Variants in CHCHD3 observed in about 807,000 individuals in gnomAD.
CHCHD3 encodes the protein MICOS complex subunit MIC19.
In CHCHD3, 20 loss-of-function variants were observed where a neutral mutation model predicts 38.2. The ratio of observed to expected loss-of-function variants is 0.52; its 90% CI spans 0.37 to 0.76. CHCHD3 has a LOEUF of 0.76. Among genes scored for constraint, CHCHD3 ranks in the 30% least tolerant of loss-of-function variants. The pLI is 0.00. For synonymous variants in CHCHD3, 82 were observed against 100.0 expected, an observed-to-expected ratio of 0.82 and a Z score of 1.07; for missense variants, 245 against 279.2, an observed-to-expected ratio of 0.88 and a Z score of 0.87.
chr7:132,816,628 G>A (rs1807206899), intron 6 of CHCHD3, among the ~76,000 whole-genome samples: 2 of 152,086 alleles, frequency 1.3e-5, no homozygotes, highest in African/African-American at 4.8e-5. Flanking sequence ...CCATCTTACT[G>A]CCATTGTGGG....
At chr7:132,891,324 T>G (rs925888338) in intron 4 of CHCHD3, among the ~76,000 whole-genome samples, 4 of 152,312 alleles carry the variant, frequency 2.6e-5, no homozygotes, top group Middle Eastern at 3.4e-3. Context: ...TCCAACCTAT[T>G]ATCATACTTT....
At chr7:133,056,159 AT>A (rs1425439278) in intron 2 of CHCHD3, among the ~76,000 whole-genome samples, 1 of 152,038 alleles carries the variant, frequency 6.6e-6, no homozygotes, top group Non-Finnish European at 1.5e-5. Flanking sequence ...AAAAAAAAAA[AT>A]GTAGGGTTAG....
At chr7:132,961,760 T>C (rs1811327341) in intron 4 of CHCHD3, among the ~76,000 whole-genome samples, 1 of 152,242 alleles carries the variant, frequency 6.6e-6, no homozygotes, top group Admixed American at 6.5e-5. Flanking sequence ...TGAAACTTTG[T>C]ACCCTTTAAC....
rs552133882 is a variant in CHCHD3 at position 132,983,939 on chromosome 7, T to C, written c.252-8653A>G. On this transcript the variant is annotated intron_variant, in intron 3 of 7. Coordinates refer to ENST00000262570, the MANE Select transcript of CHCHD3 (RefSeq NM_017812.4). ...TTGAGAAATACCTTTTAATCTTGTA[T>C]TGAAAATACAACTTCTCGGAAAGGC... Among the ~76,000 whole-genome samples the C allele has an allele frequency of 4.6e-5, 7 of 151,216 alleles. No individual in the cohort carries two copies. In the South Asian group the frequency reaches 1.0e-3, roughly 23 times the overall value.
chr7:132,944,779 T>C lies in CHCHD3; in HGVS notation c.369+30390A>G, dbSNP rs983924548. Among the ~76,000 whole-genome samples the C allele has an allele frequency of 1.1e-4, 17 of 152,148 alleles. No homozygotes were observed. The East Asian group carries it at 2.7e-3, about 24-fold the overall frequency. ...TGGTAGGATTATGGATGTTTTACGT[T>C]TTCAAATCTACTGGTGCAAATTTTT... On this transcript the variant is annotated intron_variant, in intron 4 of 7. Coordinates refer to ENST00000262570, the MANE Select transcript of CHCHD3 (RefSeq NM_017812.4).
intron 2 of CHCHD3, among the ~76,000 whole-genome samples, chr7:133,032,581 A>G (rs1180916030): frequency 6.6e-6 from 1 of 152,222 alleles, no homozygotes; most frequent in Non-Finnish European, 1.5e-5. Flanking sequence ...ATAAGCACCC[A>G]TAGAAACTAG....
intron 6 of CHCHD3, among the ~76,000 whole-genome samples, chr7:132,810,838 A>G (rs1411560785): frequency 6.6e-6 from 1 of 152,148 alleles, no homozygotes; most frequent in Non-Finnish European, 1.5e-5. Flanking sequence ...ACAGCCCCTT[A>G]ATACTACTCT....
chr7:132,822,821 A>C (rs1807417878), intron 6 of CHCHD3, among the ~76,000 whole-genome samples: 1 of 97,354 alleles, frequency 1.0e-5, no homozygotes, highest in Admixed American at 9.9e-5. Context: ...CCCCCCACCA[A>C]AAACAAAACA....
intron 6 of CHCHD3, among the ~76,000 whole-genome samples, chr7:132,833,429 G>A (rs1010158457): frequency 3.9e-5 from 6 of 152,170 alleles, no homozygotes; most frequent in Non-Finnish European, 1.5e-5. Context: ...TGAAATCATG[G>A]TAAGTAATAT....
chr7:133,035,965 T>A lies in CHCHD3; in HGVS notation c.170-11338A>T. 1 of 1,354,094 alleles carries A rather than the reference T, an allele frequency of 7.4e-7. No individual in the cohort carries two copies. The highest frequency in any genetic ancestry group is 1.2e-5 in the South Asian group (1 of 81,680). 83.9% of individuals were successfully genotyped at this position (1,354,094 alleles called of 1,614,324 possible). A position where few individuals can be genotyped will look rare whatever the true frequency, so the allele number is the denominator to read the frequency against. ...GCTGGATCCAGTCTTAAAAGTGTTA[T>A]CAGGTAGGGGTCCTTAGGGGAACTG... On this transcript the variant is annotated intron_variant, in intron 2 of 7. Coordinates refer to ENST00000262570, the MANE Select transcript of CHCHD3 (RefSeq NM_017812.4). The surrounding 1 kb of genome is among the most constrained non-coding windows in gnomAD (Gnocchi z 4.7).
chr7:133,005,260 GGT>G (rs1812670206), intron 3 of CHCHD3, among the ~76,000 whole-genome samples: 1 of 152,068 alleles, frequency 6.6e-6, no homozygotes, highest in Middle Eastern at 3.2e-3. Context: ...AAACCACTTA[GGT>G]GTATTCATTA....
intron 4 of CHCHD3, among the ~76,000 whole-genome samples, chr7:132,961,603 A>C (rs887333450): frequency 5.3e-5 from 8 of 152,272 alleles, no homozygotes; most frequent in African/African-American, 1.9e-4. Context: ...GTGCTCGCAC[A>C]CAATGCATGC....
chr7:133,006,884 C>A lies in CHCHD3; in HGVS notation c.251+17662G>T, dbSNP rs116693251. ...AAGTTATTTATATATGTACTGACAA[C>A]ATATTTTTATGATATATTATGAGCA... On this transcript the variant is annotated intron_variant, in intron 3 of 7. Coordinates refer to ENST00000262570, the MANE Select transcript of CHCHD3 (RefSeq NM_017812.4). Among the ~76,000 whole-genome samples, 624 of 152,184 alleles carry A rather than the reference C, an allele frequency of 4.1e-3. 3 individuals carry two copies. Among genetic ancestry groups the A allele is most frequent in the African/African-American group, 0.015 (606 of 41,530 alleles).
At chr7:132,885,990 C>T (rs555233844) in intron 4 of CHCHD3, among the ~76,000 whole-genome samples, 13 of 152,138 alleles carry the variant, frequency 8.5e-5, no homozygotes, top group African/African-American at 3.1e-4. Flanking sequence ...TATTAGGAAA[C>T]GTCAGAATAC....
intron 6 of CHCHD3, among the ~76,000 whole-genome samples, chr7:132,823,350 C>T (rs1206700111): frequency 1.3e-5 from 2 of 152,030 alleles, no homozygotes; most frequent in Non-Finnish European, 2.9e-5. Flanking sequence ...CCTACACATA[C>T]CTCTATGATA....
intron 4 of CHCHD3, among the ~76,000 whole-genome samples, chr7:132,920,137 T>C (rs1454514027): frequency 1.3e-5 from 2 of 152,110 alleles, no homozygotes; most frequent in East Asian, 1.9e-4. Context: ...AGAACAAGAA[T>C]TGTCACTCTA....
chr7:132,806,376 G>A (rs538308535), intron 6 of CHCHD3, among the ~76,000 whole-genome samples: 2 of 152,290 alleles, frequency 1.3e-5, no homozygotes, highest in South Asian at 2.1e-4. Flanking sequence ...GAGTGCCTGT[G>A]AGATACTAGG....
intron 4 of CHCHD3, among the ~76,000 whole-genome samples, chr7:132,930,971 T>A (rs1335081634): frequency 6.6e-6 from 1 of 152,214 alleles, no homozygotes; most frequent in African/African-American, 2.4e-5. Context: ...TCTATCTATA[T>A]GCAGGTATCA....
chr7:133,015,396 G>C (rs956297931), intron 3 of CHCHD3, among the ~76,000 whole-genome samples: 3 of 133,512 alleles, frequency 2.2e-5, no homozygotes, highest in Non-Finnish European at 5.1e-5. Context: ...GTCAGGTATA[G>C]CCTACACAAC....
Sources: gnomAD v4.1 joint callset for allele counts (sites outside exome capture counted in the v4.1 genomes callset) on GRCh38, gnomAD v4.1.1 for gene constraint, Gnocchi (gnomAD v3.1) non-coding constraint, MANE v1.5 for transcripts, NCBI Gene and HGNC (gene_info 2026-07-23, HGNC 2026-07-21) for gene names.